ANKS1B: variants seen among roughly 807,000 people sequenced by gnomAD.
ANKS1B encodes the protein ankyrin repeat and sterile alpha motif domain-containing protein 1B.
A neutral mutation model predicts 148.3 loss-of-function variants in ANKS1B; 36 were observed. The ratio of observed to expected loss-of-function variants is 0.24; its 90% CI spans 0.19 to 0.32. ANKS1B has a LOEUF of 0.32. Ranked by LOEUF, ANKS1B falls within the 10% of genes least tolerant of loss-of-function variation. The probability of loss-of-function intolerance (pLI) is 1.00; values close to 1 mark genes in which losing one functional copy is unlikely to be tolerated. For synonymous variants in ANKS1B, 542 were observed against 560.8 expected (o/e 0.97, Z 0.47); for missense variants, 1,157 against 1,542.6 (o/e 0.75, Z 4.19).
chr12:99,559,302 G>T (rs762714494), intron 9 of ANKS1B, among the ~76,000 whole-genome samples: 18 of 152,056 alleles, frequency 1.2e-4, no homozygotes, highest in Non-Finnish European at 2.6e-4. Context: ...AGGCTCAAAG[G>T]CTTAGATTTT....
chr12:98,802,510 G>A (rs944614408), intron 20 of ANKS1B, among the ~76,000 whole-genome samples: 12 of 146,274 alleles, frequency 8.2e-5, no homozygotes, highest in African/African-American at 2.3e-4. Flanking sequence ...TTTTCTTTGC[G>A]CACTTTGGAC....
intron 17 of ANKS1B, among the ~76,000 whole-genome samples, chr12:99,003,700 G>C (rs2099934363): frequency 6.6e-6 from 1 of 152,166 alleles, no homozygotes; most frequent in Admixed American, 6.5e-5. Context: ...AGAACAACTA[G>C]CACCACTGTT....
At chr12:98,878,002 C>T (rs1257291511) in intron 17 of ANKS1B, among the ~76,000 whole-genome samples, 1 of 152,044 alleles carries the variant, frequency 6.6e-6, no homozygotes, top group Non-Finnish European at 1.5e-5. Context: ...ATCTGTCGCC[C>T]ACTCTTTTAT....
At chr12:99,225,446 T>G (rs1423259233) in intron 14 of ANKS1B, among the ~76,000 whole-genome samples, 1 of 152,172 alleles carries the variant, frequency 6.6e-6, no homozygotes, top group Non-Finnish European at 1.5e-5. Context: ...AATGTCAATT[T>G]GATTGGACTG....
intron 17 of ANKS1B, among the ~76,000 whole-genome samples, chr12:99,042,176 G>A (rs1333964476): frequency 6.6e-6 from 1 of 152,092 alleles, no homozygotes; most frequent in East Asian, 1.9e-4. Flanking sequence ...TGCTCCTATT[G>A]AGAGGTGAAC....
At chr12:99,202,163 CTCTT>C (rs1223766779) in intron 14 of ANKS1B, among the ~76,000 whole-genome samples, 5 of 152,200 alleles carry the variant, frequency 3.3e-5, no homozygotes, top group Non-Finnish European at 5.9e-5. Context: ...CTTCGGCTTT[CTCTT>C]TCTATTTCCT....
chr12:98,855,394 A>ACTC (rs1192726040), intron 17 of ANKS1B, among the ~76,000 whole-genome samples: 6 of 152,028 alleles, frequency 3.9e-5, no homozygotes, highest in African/African-American at 1.2e-4. Flanking sequence ...ATCTTGAAGG[A>ACTC]CTCCAGTGCC....
At chr12:98,871,722 TTATC>T (rs1268020280) in intron 17 of ANKS1B, among the ~76,000 whole-genome samples, 4 of 152,198 alleles carry the variant, frequency 2.6e-5, no homozygotes. Flanking sequence ...ACCATATTCT[TTATC>T]TACATCTAGA....
intron 9 of ANKS1B, among the ~76,000 whole-genome samples, chr12:99,599,928 A>T (rs1330582055): frequency 1.3e-5 from 2 of 150,982 alleles, no homozygotes; most frequent in Non-Finnish European, 3.0e-5. Flanking sequence ...GGCCATGAGT[A>T]TAGTTGAAAG....
At chr12:99,109,167 A>G (rs1380421940) in intron 15 of ANKS1B, among the ~76,000 whole-genome samples, 2 of 134,346 alleles carry the variant, frequency 1.5e-5, no homozygotes, top group Admixed American at 8.2e-5. Flanking sequence ...ACCTTTCTGT[A>G]CTGTTATTCA....
chr12:99,896,876 T>C (rs1174452369), intron 1 of ANKS1B, among the ~76,000 whole-genome samples: 1 of 151,282 alleles, frequency 6.6e-6, no homozygotes, highest in African/African-American at 2.4e-5. Context: ...AGTGCAAAAC[T>C]AGTCTGTTAA....
chr12:99,293,053 T>C (rs2080264178), intron 12 of ANKS1B, among the ~76,000 whole-genome samples: 1 of 152,178 alleles, frequency 6.6e-6, no homozygotes, highest in South Asian at 2.1e-4. Context: ...CATGCACACA[T>C]ATGTTTACTG....
chr12:99,150,470 C>G (rs1601102604), intron 15 of ANKS1B, among the ~76,000 whole-genome samples: 1 of 151,944 alleles, frequency 6.6e-6, no homozygotes, highest in East Asian at 1.9e-4. Flanking sequence ...GCTACCTAAA[C>G]TAGGCAAGAA....
At chr12:98,890,344 G>T (rs766579246) in intron 17 of ANKS1B, among the ~76,000 whole-genome samples, 11 of 152,094 alleles carry the variant, frequency 7.2e-5, no homozygotes, top group Non-Finnish European at 1.5e-4. Context: ...TTCCATTCTG[G>T]AGTAAAGCTA....
At chr12:98,961,828 T>C (rs1373424103) in intron 17 of ANKS1B, among the ~76,000 whole-genome samples, 2 of 152,106 alleles carry the variant, frequency 1.3e-5, no homozygotes, top group Non-Finnish European at 2.9e-5. Flanking sequence ...CAGTATTAAG[T>C]TGTCATCCAT....
intron 14 of ANKS1B, among the ~76,000 whole-genome samples, chr12:99,204,680 C>T (rs899140099): frequency 3.3e-5 from 5 of 152,222 alleles, no homozygotes; most frequent in African/African-American, 7.2e-5. Flanking sequence ...TTTGACGATT[C>T]CCCCCTAAAA....
chr12:99,446,113 A>G (rs1301745282), intron 10 of ANKS1B, among the ~76,000 whole-genome samples: 4 of 147,642 alleles, frequency 2.7e-5, no homozygotes, highest in Non-Finnish European at 5.9e-5. Flanking sequence ...AGGAAGCATG[A>G]TAAAAAAAAA....
Position 99,671,261 on chromosome 12 carries a change from CAT to C in ANKS1B, c.1129-16053_1129-16052del, listed in dbSNP as rs2098536885. Among the ~76,000 whole-genome samples the C allele has an allele frequency of 3.3e-5, 5 of 152,266 alleles. No homozygotes were observed. The South Asian group carries it at 6.2e-4, about 19-fold the overall frequency. ...TGATTAGACAACTCTTGCTCTTTCA[CAT>C]GTTCTATTTTGTCCTTAGATGACTA... On this transcript the variant is annotated intron_variant, in intron 8 of 26. Transcript: ENST00000683438.
chr12:98,832,702 C>G (rs1397185012), intron 17 of ANKS1B, among the ~76,000 whole-genome samples: 1 of 152,060 alleles, frequency 6.6e-6, no homozygotes. Flanking sequence ...CAGAAAGGTC[C>G]TCCCCCGCCT....
Sources: allele counts gnomAD v4.1 joint callset (sites outside exome capture counted in the v4.1 genomes callset), GRCh38; gene constraint gnomAD v4.1.1; transcripts MANE v1.5; gene names NCBI Gene and HGNC (gene_info 2026-07-23, HGNC 2026-07-21).